SLC12A2: variants seen among roughly 807,000 people sequenced by gnomAD.
The protein encoded by SLC12A2 is Na-K-2Cl cotransporter 1.
SLC12A2 carries 67 observed loss-of-function variants against 136.3 expected under a neutral mutation model. The ratio of observed to expected loss-of-function variants is 0.49; its 90% CI spans 0.40 to 0.60. SLC12A2 has a LOEUF of 0.60. SLC12A2 is among the 20% of genes least tolerant of loss of function. The probability of loss-of-function intolerance (pLI) is 0.00; values close to 1 mark genes in which losing one functional copy is unlikely to be tolerated. For missense variants in SLC12A2, 1,322 were observed against 1,534.7 expected (o/e 0.86, Z 2.32); for synonymous variants, 619 against 562.9 (o/e 1.10, Z -1.41).
chr5:128,123,153 A>G (rs1761652522), intron 4 of SLC12A2, among the ~76,000 whole-genome samples: 1 of 152,076 alleles, frequency 6.6e-6, no homozygotes, highest in Admixed American at 6.5e-5. Flanking sequence ...AATTAGGGTT[A>G]TATGTCTTTG....
chr5:128,148,943 T>C, intron 12 of SLC12A2, 66 bp downstream of exon 12: 1 of 1,291,394 alleles, frequency 7.7e-7, no homozygotes, highest in Non-Finnish European at 1.1e-6. Context: ...CGTTGAATTA[T>C]TAAATTATTA....
intron 11 of SLC12A2, 128 bp from the exon 12 acceptor site, chr5:128,148,626 G>A: frequency 1.5e-6 from 1 of 671,956 alleles, no homozygotes. Flanking sequence ...AGCAGTATCT[G>A]GGACAGGATA....
At chr5:128,110,817 A>G (rs1761115862) in intron 1 of SLC12A2, 4 of 1,478,966 alleles carry the variant, frequency 2.7e-6, no homozygotes, top group Non-Finnish European at 3.8e-6. Flanking sequence ...AAGAATTTGC[A>G]AGAAATAATC....
At chr5:128,138,953 TGTAC>T (rs760854468) in intron 9 of SLC12A2, 45 bp downstream of exon 9, 25 of 1,255,614 alleles carry the variant, frequency 2.0e-5, no homozygotes, top group Non-Finnish European at 2.9e-5. Context: ...AATTTCATGA[TGTAC>T]GTACTATAAA....
At chr5:128,152,463 A>T (rs889337939) in intron 14 of SLC12A2, among the ~76,000 whole-genome samples, 4 of 152,210 alleles carry the variant, frequency 2.6e-5, no homozygotes, top group African/African-American at 9.6e-5. Flanking sequence ...TTGTATGCAC[A>T]GCATGTCTGC....
At chr5:128,150,512 A>G (rs1762667903) in intron 13 of SLC12A2, among the ~76,000 whole-genome samples, 1 of 151,998 alleles carries the variant, frequency 6.6e-6, no homozygotes, top group South Asian at 2.1e-4. Context: ...GAACAAAAGC[A>G]TTGTTCCTTT....
chr5:128,148,591 A>C (rs982892444), intron 11 of SLC12A2, among the ~76,000 whole-genome samples, 163 bp from the exon 12 acceptor site: 1 of 151,796 alleles, frequency 6.6e-6, no homozygotes, highest in Non-Finnish European at 1.5e-5. Flanking sequence ...GAAATGCTTG[A>C]ATTTCCTTTA....
At chr5:128,165,934 A>G (rs1370581048) in intron 17 of SLC12A2, among the ~76,000 whole-genome samples, 19 of 57,574 alleles carry the variant, frequency 3.3e-4, no homozygotes, top group Non-Finnish European at 4.2e-4. Flanking sequence ...CCCCCCCCCC[A>G]GTTAAAAATA....
At position 128,188,636 on chromosome 5, in the gene SLC12A2, C is replaced by G. The variant is rs1000300255; in HGVS notation, c.*2005C>G. Reference sequence around the variant, plus strand: ...TAGACATCTATAACGTTATTATTTTCAGTGGTGTGCAGCATTTTTGCTTCA... The same window carrying G: ...TAGACATCTATAACGTTATTATTTTGAGTGGTGTGCAGCATTTTTGCTTCA... On this transcript the variant is annotated 3_prime_UTR_variant, in exon 27 of 27. Transcript: ENST00000262461. The G allele has an allele frequency of 6.6e-6, 1 of 150,408 alleles. No homozygotes were observed. Among genetic ancestry groups the G allele is most frequent in the Non-Finnish European group, 1.5e-5 (1 of 67,826 alleles). 9.3% of individuals were successfully genotyped at this position (150,408 alleles called of 1,614,324 possible). A position where few individuals can be genotyped will look rare whatever the true frequency, so the allele number is the denominator to read the frequency against.
rs183488198 is a variant in SLC12A2, at chr5:128,161,455, C to T, written c.2476-205C>T. On this transcript the variant is annotated intron_variant, in intron 16 of 26. Coordinates refer to ENST00000262461, the MANE Select transcript of SLC12A2 (RefSeq NM_001046.3). ...CTTCTCTTATTCTTTCTACTGGCATCCCTGTGCCTTAGCTATTCCATCACC... is the reference window on the plus strand; with the variant it reads ...CTTCTCTTATTCTTTCTACTGGCATTCCTGTGCCTTAGCTATTCCATCACC... 2.3e-3 allele frequency among the ~76,000 whole-genome samples: 350 copies of T among 152,194 alleles called. 1 individual carries two copies. The highest frequency in any genetic ancestry group is 8.0e-3 in the African/African-American group (332 of 41,516).
intron 10 of SLC12A2, among the ~76,000 whole-genome samples, chr5:128,142,539 T>C (rs1382558811): frequency 1.3e-5 from 2 of 152,118 alleles, no homozygotes; most frequent in Admixed American, 6.5e-5. Context: ...AATATATATA[T>C]ATATATTAGT....
intron 5 of SLC12A2, among the ~76,000 whole-genome samples, chr5:128,133,855 T>G (rs1238399765): frequency 6.6e-6 from 1 of 152,092 alleles, no homozygotes; most frequent in East Asian, 1.9e-4. Flanking sequence ...TAACTTAAAA[T>G]TCTAACTAGC....
intron 1 of SLC12A2, among the ~76,000 whole-genome samples, chr5:128,091,231 G>A (rs147915618): frequency 7.6e-4 from 115 of 152,128 alleles, no homozygotes; most frequent in African/African-American, 2.7e-3. Flanking sequence ...GTAATACTAG[G>A]GTTTTCCCCC....
At chr5:128,112,071 G>A (rs1422702763) in intron 1 of SLC12A2, among the ~76,000 whole-genome samples, 2 of 151,994 alleles carry the variant, frequency 1.3e-5, no homozygotes, top group East Asian at 3.9e-4. Context: ...TTTAGGGCTC[G>A]GTTACTGCTT....
intron 18 of SLC12A2, chr5:128,170,442 T>C (rs1420018054): frequency 6.6e-6 from 1 of 152,216 alleles, no homozygotes; most frequent in Non-Finnish European, 1.5e-5. Context: ...TTTATAACCA[T>C]ATATTATATC....
intron 4 of SLC12A2, among the ~76,000 whole-genome samples, chr5:128,120,116 C>A (rs1404638268): frequency 6.6e-6 from 1 of 152,132 alleles, no homozygotes; most frequent in African/African-American, 2.4e-5. Flanking sequence ...AAATGCTCAT[C>A]ATCACTGGCC....
chr5:128,150,290 T>A (rs1762659221), intron 13 of SLC12A2, among the ~76,000 whole-genome samples, 192 bp downstream of exon 13: 1 of 151,854 alleles, frequency 6.6e-6, no homozygotes, highest in African/African-American at 2.4e-5. Context: ...TTGTTTCTTA[T>A]CTTCAAAGCA....
intron 4 of SLC12A2, among the ~76,000 whole-genome samples, chr5:128,126,966 A>ATATATATATATATATATAATTT: frequency 9.5e-5 from 2 of 21,160 alleles, no homozygotes; most frequent in African/African-American, 2.5e-4. Flanking sequence ...ATATATATAT[A>ATATATATATATATATATAATTT]TTTTTTTTTT....
At chr5:128,173,218 G>A (rs983058079) in intron 19 of SLC12A2, among the ~76,000 whole-genome samples, 2 of 152,070 alleles carry the variant, frequency 1.3e-5, no homozygotes, top group Non-Finnish European at 2.9e-5. Context: ...AAAGCAATTT[G>A]AGGTCTTTAT....
Sources: allele counts gnomAD v4.1 joint callset (sites outside exome capture counted in the v4.1 genomes callset), GRCh38; gene constraint gnomAD v4.1.1; transcripts MANE v1.5; gene names NCBI Gene and HGNC (gene_info 2026-07-23, HGNC 2026-07-21).